Variants in OSBPL9 observed in about 807,000 individuals in gnomAD.
OSBPL9 encodes the protein oxysterol binding protein like 9, also known as oxysterol-binding protein-related protein 9.
OSBPL9 carries 40 observed loss-of-function variants against 106.6 expected under a neutral mutation model. The ratio of observed to expected loss-of-function variants is 0.38; its 90% CI spans 0.29 to 0.49. The LOEUF (loss-of-function observed/expected upper bound fraction) is 0.49. Among genes scored for constraint, OSBPL9 ranks in the 20% least tolerant of loss-of-function variants. OSBPL9 has a pLI of 0.97. For synonymous variants in OSBPL9, 269 were observed against 295.4 expected, an observed-to-expected ratio of 0.91 and a Z score of 0.92; for missense variants, 609 against 887.2, an observed-to-expected ratio of 0.69 and a Z score of 3.98.
rs1648674243 is a variant in OSBPL9, at chr1:51,666,989, C to T, written c.163-2445C>T. Among the ~76,000 whole-genome samples, 4 of 152,122 alleles carry T rather than the reference C, an allele frequency of 2.6e-5. No homozygotes were observed. The South Asian group carries it at 8.3e-4, about 31-fold the overall frequency. ...CAAGAAACGATGAAAGCCTGAATTA[C>T]AGAAGTAGCAGAGAGGATGGAGACA... On this transcript the variant is annotated intron_variant, in intron 2 of 23. Transcript: ENST00000428468.
chr1:51,720,526 A>G (rs1160482931), intron 4 of OSBPL9, among the ~76,000 whole-genome samples: 5 of 151,744 alleles, frequency 3.3e-5, no homozygotes, highest in African/African-American at 7.3e-5. Context: ...GGGTCTCACC[A>G]TGTTGTCAAG....
chr1:51,729,805 G>A lies in OSBPL9; in HGVS notation c.318+15726G>A. 8.1e-7 allele frequency: 1 copy of A among 1,238,608 alleles called. No homozygotes were observed. The highest frequency in any genetic ancestry group is 1.0e-6 in the Non-Finnish European group (1 of 984,150). 76.7% of individuals were successfully genotyped at this position (1,238,608 alleles called of 1,614,324 possible). On this transcript the variant is annotated intron_variant, in intron 4 of 23. Coordinates refer to ENST00000428468, the MANE Select transcript of OSBPL9 (RefSeq NM_024586.6). This position sits in a 1 kb window ranked among gnomAD's most constrained non-coding sequence, Gnocchi z 5.1. ...TCCGCCGGGGAGGGGACGGGAAAGG[G>A]GTGGGGGGTGAAGGGGGTGAAGGGG... is the stretch of plus-strand genomic sequence containing the variant.
At chr1:51,705,400 T>TATATATATATATA (rs1465007339) in intron 3 of OSBPL9, among the ~76,000 whole-genome samples, 14 of 34,740 alleles carry the variant, frequency 4.0e-4, no homozygotes, top group African/African-American at 1.1e-3. Context: ...TATATATATA[T>TATATATATATATA]TTTTTTTTTT....
chr1:51,529,775 C>T, the OSBPL9 span, among the ~76,000 whole-genome samples: 7 of 150,416 alleles, frequency 4.7e-5, no homozygotes, highest in African/African-American at 1.7e-4. Context: ...GAAGTTGAAC[C>T]CCTACGTCAT....
intron 2 of OSBPL9, among the ~76,000 whole-genome samples, chr1:51,652,739 G>A (rs967231254): frequency 1.3e-5 from 2 of 152,178 alleles, no homozygotes; most frequent in African/African-American, 4.8e-5. Context: ...TGTGACTAGT[G>A]GCTGCCTTAT....
chr1:51,648,439 C>G (rs559854463), intron 1 of OSBPL9, among the ~76,000 whole-genome samples: 29 of 152,270 alleles, frequency 1.9e-4, no homozygotes, highest in Non-Finnish European at 3.4e-4. Context: ...GGAGCTCTTC[C>G]CTTTGCCCCG....
intron 3 of OSBPL9, among the ~76,000 whole-genome samples, chr1:51,700,916 G>A (rs1305750408): frequency 6.6e-6 from 1 of 151,718 alleles, no homozygotes; most frequent in Non-Finnish European, 1.5e-5. Flanking sequence ...TTTAACTTTT[G>A]TCAGTCCTTC....
the OSBPL9 span, among the ~76,000 whole-genome samples, chr1:51,532,759 A>G: frequency 6.6e-6 from 1 of 152,210 alleles, no homozygotes; most frequent in Non-Finnish European, 1.5e-5. Flanking sequence ...GAGTGATTTT[A>G]ACATTGGACC....
chr1:51,627,752 T>C lies in OSBPL9; in HGVS notation c.111+10531T>C, dbSNP rs934284909. ...TTTTTTTGAAAATATCATCCTAACC[T>C]GTCTTCCTCAATATACATTTGTGTA... On this transcript the variant is annotated intron_variant, in intron 1 of 23. Transcript: ENST00000428468. Among the ~76,000 whole-genome samples the C allele has an allele frequency of 3.9e-4, 59 of 152,186 alleles. 1 individual carries two copies. The highest frequency in any genetic ancestry group is 1.4e-3 in the African/African-American group (58 of 41,510).
chr1:51,775,638 T>C, intron 14 of OSBPL9, among the ~76,000 whole-genome samples: 1 of 152,090 alleles, frequency 6.6e-6, no homozygotes, highest in Non-Finnish European at 1.5e-5. Flanking sequence ...AGAGATGGGG[T>C]CTTGCTCTGT....
chr1:51,761,726 G>C (rs900935114), intron 10 of OSBPL9, 141 bp from the exon 11 acceptor site: 2 of 603,498 alleles, frequency 3.3e-6, no homozygotes, highest in South Asian at 3.8e-5. Flanking sequence ...TCAAAAGGAA[G>C]GAGTAGCATG....
Position 51,690,417 on chromosome 1 carries a change from G to A in OSBPL9, c.241+20905G>A, listed in dbSNP as rs1007165712. Among the ~76,000 whole-genome samples the A allele has an allele frequency of 2.6e-5, 4 of 152,192 alleles. No homozygotes were observed. The East Asian group carries it at 5.8e-4, about 22-fold the overall frequency. On this transcript the variant is annotated intron_variant, in intron 3 of 23. Transcript: ENST00000428468. ...CTCATATTGTCGAAGTGGAAGTTGT[G>A]GGGGAGGAACACTTGTGTAAATATT...
intron 4 of OSBPL9, among the ~76,000 whole-genome samples, chr1:51,741,522 T>G (rs925974279): frequency 6.8e-6 from 1 of 147,076 alleles, no homozygotes. Flanking sequence ...TGCCCTTCCC[T>G]TCCCTCTCTC....
At chr1:51,764,096 C>G (rs1228655427) in intron 11 of OSBPL9, among the ~76,000 whole-genome samples, 1 of 152,080 alleles carries the variant, frequency 6.6e-6, no homozygotes, top group African/African-American at 2.4e-5. Flanking sequence ...GATTTTTCAT[C>G]CTAACTTCAT....
intron 1 of OSBPL9, among the ~76,000 whole-genome samples, chr1:51,629,689 C>G (rs1453226358): frequency 6.6e-6 from 1 of 152,140 alleles, no homozygotes; most frequent in Admixed American, 6.6e-5. Flanking sequence ...TGGCTCATGC[C>G]TGTAATCCCA....
chr1:51,551,967 A>ATGTGTGTGTGTGTGTGTGTGTGTGTGTG, the OSBPL9 span, among the ~76,000 whole-genome samples: 4 of 145,220 alleles, frequency 2.8e-5, no homozygotes, highest in African/African-American at 1.0e-4. Flanking sequence ...GTGAATAGAA[A>ATGTGTGTGTGTGTGTGTGTGTGTGTGTG]TGTGTGTGTG....
chr1:51,599,014 T>C (rs879528263), intron 2 of OSBPL9, among the ~76,000 whole-genome samples: 2 of 147,794 alleles, frequency 1.4e-5, no homozygotes, highest in Non-Finnish European at 3.0e-5. Context: ...AAAAAAAGTG[T>C]GACATGATGA....
Position 51,765,869 on chromosome 1 carries a change from G to A in OSBPL9, c.826G>A (p.Val276Met), listed in dbSNP as rs374143753. ...PSSSLTSPSH[V>M]NLSPNTVPEF... The stretch of plus-strand genomic sequence containing the variant: ...TAGCAGTCTCACTTCTCCAAGCCAC[G>A]TGAACTTGTCTCCAAATACAGTCCC... Residue 276 changes from valine to methionine, a missense_variant, in exon 12 of 24, where the codon GTG (valine) becomes ATG (methionine). Coordinates refer to ENST00000428468, the MANE Select transcript of OSBPL9 (RefSeq NM_024586.6). The A allele has an allele frequency of 3.2e-5, 52 of 1,613,742 alleles. No individual in the cohort carries two copies. Among genetic ancestry groups the A allele is most frequent in the Non-Finnish European group, 4.1e-5 (48 of 1,179,908 alleles).
At chr1:51,647,206 A>G (rs1442519307) in intron 1 of OSBPL9, among the ~76,000 whole-genome samples, 3 of 152,000 alleles carry the variant, frequency 2.0e-5, no homozygotes, top group Non-Finnish European at 4.4e-5. Context: ...TCTTTATTTT[A>G]TTAATATGGT....
Sources: allele counts gnomAD v4.1 joint callset (sites outside exome capture counted in the v4.1 genomes callset), GRCh38; gene constraint gnomAD v4.1.1; non-coding constraint Gnocchi (gnomAD v3.1); transcripts MANE v1.5; gene names NCBI Gene and HGNC (gene_info 2026-07-23, HGNC 2026-07-21).